CLVS1: variants seen among roughly 807,000 people sequenced by gnomAD.
CLVS1 encodes clavesin 1.
A neutral mutation model predicts 33.1 loss-of-function variants in CLVS1; 10 were observed. That is an observed-to-expected ratio of 0.30 (90% CI 0.19 to 0.51). The LOEUF (loss-of-function observed/expected upper bound fraction) is 0.51, where lower values mean the gene tolerates loss of function less well. Among genes scored for constraint, CLVS1 ranks in the 20% least tolerant of loss-of-function variants. The probability of loss-of-function intolerance (pLI) is 0.97; values close to 1 mark genes in which losing one functional copy is unlikely to be tolerated. For synonymous variants in CLVS1, 163 were observed against 166.1 expected (o/e 0.98, Z 0.14); for missense variants, 343 against 433.4 (o/e 0.79, Z 1.85).
intron 3 of CLVS1, among the ~76,000 whole-genome samples, chr8:61,408,137 A>C (rs1348058941): frequency 2.0e-5 from 3 of 152,190 alleles, no homozygotes; most frequent in African/African-American, 7.2e-5. Flanking sequence ...ATTGGGCGGT[A>C]GGGAGAAAAG....
At chr8:61,125,451 A>T (rs1460682264) in intron 1 of CLVS1, among the ~76,000 whole-genome samples, 1 of 152,214 alleles carries the variant, frequency 6.6e-6, no homozygotes, top group Non-Finnish European at 1.5e-5. Flanking sequence ...ACATAAGTTC[A>T]GTTCCTCATT....
intron 3 of CLVS1, among the ~76,000 whole-genome samples, chr8:61,421,520 T>A (rs1308441834): frequency 6.6e-6 from 1 of 152,170 alleles, no homozygotes; most frequent in Non-Finnish European, 1.5e-5. Context: ...TGAGCTGAAC[T>A]CAGGTTGTTT....
chr8:60,995,452 C>T, the CLVS1 span, among the ~76,000 whole-genome samples: 1 of 152,136 alleles, frequency 6.6e-6, no homozygotes, highest in South Asian at 2.1e-4. Flanking sequence ...CAAATCAAAA[C>T]CACAATGAGA....
chr8:61,027,524 A>G, the CLVS1 span, among the ~76,000 whole-genome samples: 1 of 152,134 alleles, frequency 6.6e-6, no homozygotes, highest in Non-Finnish European at 1.5e-5. Flanking sequence ...TCATATCTCA[A>G]GACCCTGCAT....
At chr8:61,355,256 G>A (rs369768554) in intron 2 of CLVS1, among the ~76,000 whole-genome samples, 1 of 151,214 alleles carries the variant, frequency 6.6e-6, no homozygotes, top group African/African-American at 2.4e-5. Context: ...CCAAGCTTGT[G>A]TACCTCACTC....
At chr8:61,343,559 C>G (rs1383539414) in intron 2 of CLVS1, among the ~76,000 whole-genome samples, 1 of 152,068 alleles carries the variant, frequency 6.6e-6, no homozygotes, top group African/African-American at 2.4e-5. Context: ...CTCTTTTAAG[C>G]AAATCTGAGT....
intron 5 of CLVS1, among the ~76,000 whole-genome samples, chr8:61,475,913 G>A (rs1357092545): frequency 6.6e-6 from 1 of 152,092 alleles, no homozygotes; most frequent in Admixed American, 6.6e-5. Context: ...TTTCTTCTAG[G>A]GTTTTTATGG....
chr8:61,085,218 G>A (rs1805096304), intron 1 of CLVS1, among the ~76,000 whole-genome samples: 1 of 152,100 alleles, frequency 6.6e-6, no homozygotes, highest in Non-Finnish European at 1.5e-5. Context: ...TATACTATCC[G>A]GAGGCTGAAA....
At chr8:61,250,009 G>A (rs547732377) in intron 2 of CLVS1, among the ~76,000 whole-genome samples, 4 of 152,096 alleles carry the variant, frequency 2.6e-5, no homozygotes, top group Non-Finnish European at 4.4e-5. Flanking sequence ...GTCCTGTAGG[G>A]TATTGCCCAG....
chr8:61,141,223 C>T (rs1426873677), intron 2 of CLVS1, among the ~76,000 whole-genome samples: 1 of 152,138 alleles, frequency 6.6e-6, no homozygotes, highest in African/African-American at 2.4e-5. Flanking sequence ...TGCTTCTCCT[C>T]CTCCTTTTTC....
At chr8:61,102,285 T>C (rs1421222650) in intron 1 of CLVS1, among the ~76,000 whole-genome samples, 4 of 152,210 alleles carry the variant, frequency 2.6e-5, no homozygotes, top group African/African-American at 4.8e-5. Flanking sequence ...TCAACAATGT[T>C]TTATAGTTTT....
chr8:61,415,548 G>C (rs528609676), intron 3 of CLVS1, among the ~76,000 whole-genome samples: 37 of 152,278 alleles, frequency 2.4e-4, no homozygotes, highest in Admixed American at 9.2e-4. Flanking sequence ...ATAATCAACT[G>C]TTCCATAGAT....
chr8:61,271,456 AGGTGT>A (rs1243084877), intron 2 of CLVS1, among the ~76,000 whole-genome samples: 4 of 147,992 alleles, frequency 2.7e-5, no homozygotes, highest in Non-Finnish European at 4.5e-5. Context: ...ATTTTGGAAT[AGGTGT>A]GGTGTGGTGC....
intron 2 of CLVS1, among the ~76,000 whole-genome samples, chr8:61,216,057 C>T (rs746361007): frequency 3.4e-4 from 52 of 152,104 alleles, no homozygotes; most frequent in South Asian, 6.2e-4. Context: ...AGAAAATATC[C>T]GCTTGCCTTC....
intron 5 of CLVS1, among the ~76,000 whole-genome samples, chr8:61,484,662 C>T (rs1187952441): frequency 6.6e-6 from 1 of 152,176 alleles, no homozygotes; most frequent in Non-Finnish European, 1.5e-5. Context: ...AAGAACAAAG[C>T]TGGAGGCATC....
At chr8:61,309,651 C>T (rs755032246) in intron 2 of CLVS1, among the ~76,000 whole-genome samples, 4 of 152,194 alleles carry the variant, frequency 2.6e-5, no homozygotes, top group Non-Finnish European at 4.4e-5. Flanking sequence ...TGTCCCCTCA[C>T]GCCTTGCAGT....
intron 3 of CLVS1, among the ~76,000 whole-genome samples, chr8:61,386,285 G>C (rs571658425): frequency 2.0e-5 from 3 of 152,212 alleles, no homozygotes; most frequent in Non-Finnish European, 4.4e-5. Flanking sequence ...AGATGATGCT[G>C]TAGGTGGCTG....
At chr8:61,077,444 T>G (rs767309157) in intron 1 of CLVS1, among the ~76,000 whole-genome samples, 452 of 4,658 alleles carry the variant, frequency 0.097, 4 homozygotes, top group Non-Finnish European at 0.19. Context: ...TCTAAAAGTA[T>G]TATTATTATT....
the CLVS1 span, among the ~76,000 whole-genome samples, chr8:60,979,224 AC>A: frequency 1.3e-5 from 2 of 152,204 alleles, no homozygotes; most frequent in African/African-American, 4.8e-5. Flanking sequence ...GGGTTGTTGA[AC>A]TAGACAGTCT....
Sources: allele counts gnomAD v4.1 joint callset (sites outside exome capture counted in the v4.1 genomes callset), GRCh38; gene constraint gnomAD v4.1.1; transcripts MANE v1.5; gene names NCBI Gene and HGNC (gene_info 2026-07-23, HGNC 2026-07-21).